SPDYE4: variants seen among roughly 807,000 people sequenced by gnomAD.
SPDYE4 encodes speedy/RINGO cell cycle regulator family member E4, also known as speedy protein E4.
Under a neutral mutation model 37.5 loss-of-function variants are expected in SPDYE4, and 30 were observed. That is an observed-to-expected ratio of 0.80 (90% confidence interval 0.60 to 1.09). The LOEUF (loss-of-function observed/expected upper bound fraction) is 1.09. Ranked by LOEUF, SPDYE4 falls within the 50% of genes least tolerant of loss-of-function variation. The pLI is 0.00. For synonymous variants in SPDYE4, 131 were observed against 120.3 expected, an observed-to-expected ratio of 1.09 and a Z score of -0.58; for missense variants, 300 against 307.9, an observed-to-expected ratio of 0.97 and a Z score of 0.19.
At chr17:8,755,297 C>T (rs950346777) in intron 4 of SPDYE4, 17 of 520,686 alleles carry the variant, frequency 3.3e-5, no homozygotes, top group South Asian at 6.3e-5. Flanking sequence ...CCCCTTAGGA[C>T]GGGTTTATGT....
chr17:8,753,610 CAG>C, intron 4 of SPDYE4, 121 bp from the exon 5 acceptor site: 1 of 1,207,822 alleles, frequency 8.3e-7, no homozygotes, highest in Non-Finnish European at 1.1e-6. Context: ...AGCCGCCCTG[CAG>C]AGAGCCCTGC....
chr17:8,755,358 A>T, intron 4 of SPDYE4, 162 bp downstream of exon 4: 1 of 914,426 alleles, frequency 1.1e-6, no homozygotes, highest in Non-Finnish European at 1.6e-6. Flanking sequence ...GTTTGTTTTT[A>T]GAAAGAACAG....
chr17:8,747,593 G>T (rs1424777436), downstream of SPDYE4, among the ~76,000 whole-genome samples: 1 of 152,226 alleles, frequency 6.6e-6, no homozygotes, highest in African/African-American at 2.4e-5. Context: ...AATTCATTAT[G>T]TAGCAGGATA....
downstream of SPDYE4, among the ~76,000 whole-genome samples, chr17:8,750,363 T>C (rs1304586592): frequency 6.6e-6 from 1 of 151,816 alleles, no homozygotes; most frequent in Non-Finnish European, 1.5e-5. Context: ...CATTTCAGCC[T>C]GGGGAATGGG....
At chr17:8,757,701 T>C (rs1314591986) in intron 1 of SPDYE4, among the ~76,000 whole-genome samples, 1 of 151,996 alleles carries the variant, frequency 6.6e-6, no homozygotes, top group Non-Finnish European at 1.5e-5. Context: ...CCTCAAAACA[T>C]TTCCTCATCA....
At chr17:8,758,233 A>G in intron 1 of SPDYE4, 41 bp downstream of exon 1, 1 of 1,452,720 alleles carries the variant, frequency 6.9e-7, no homozygotes, top group Non-Finnish European at 9.3e-7. Flanking sequence ...CCCTCTCCTC[A>G]GTCAATCATC....
At chr17:8,754,797 C>G in intron 4 of SPDYE4, among the ~76,000 whole-genome samples, 1 of 152,146 alleles carries the variant, frequency 6.6e-6, no homozygotes, top group East Asian at 1.9e-4. Context: ...GGGTCATTCC[C>G]TTCAGATCCA....
At chr17:8,756,063 A>T (rs1475796680) in intron 3 of SPDYE4, among the ~76,000 whole-genome samples, 2 of 151,930 alleles carry the variant, frequency 1.3e-5, no homozygotes, top group Non-Finnish European at 2.9e-5. Context: ...TTATGAGAAG[A>T]CCTAGAATAG....
At position 8,753,433 on chromosome 17, in the gene SPDYE4, GAGA is replaced by G; in HGVS notation, c.539_541del (p.Phe180del). The stretch of plus-strand genomic sequence containing the variant: ...GGAGTAGTTCTTCCCGTAGAGGAAG[GAGA>G]AGATGTCTTGTTTCGGGGCCTGGTT... On this transcript the variant is annotated inframe_deletion, in exon 5 of 7. Coordinates refer to ENST00000689094, the MANE Select transcript of SPDYE4 (RefSeq NM_001394956.1). The G allele has an allele frequency of 1.9e-6, 3 of 1,611,436 alleles. No individual in the cohort carries two copies. The highest frequency in any genetic ancestry group is 1.1e-5 in the South Asian group (1 of 90,684).
Position 8,751,491 on chromosome 17 carries a change from C to T in SPDYE4, c.*791G>A, listed in dbSNP as rs1174389261. Among the ~76,000 whole-genome samples, 2 of 152,058 alleles carry T rather than the reference C, an allele frequency of 1.3e-5. No homozygotes were observed. The highest frequency in any genetic ancestry group is 6.6e-5 in the Admixed American group (1 of 15,256). ...AACAGAAAATAAACATTTCTATTTG[C>T]AAGAATGTAGGGGAACTACCACCTA... On this transcript the variant is annotated 3_prime_UTR_variant, in exon 7 of 7. Transcript: ENST00000689094.
Position 8,756,381 on chromosome 17 carries a change from G to A in SPDYE4, c.396C>T (p.Asp132=), listed in dbSNP as rs1486626445. The change falls in exon 3 of 7, where the codon GAC becomes GAT. Residue 132 remains aspartate, a synonymous_variant. Transcript: ENST00000689094. ...GTTGAGTGGAGAACAACCTTACCTT[G>A]TCTGACACCCTCAGGTCTTTGTCCC... ...LAWDKDLRVS[D]KYLLAMVIAY... is the part of the protein sequence containing the mutation. 5 of 1,613,754 alleles carry A rather than the reference G, an allele frequency of 3.1e-6. No homozygotes were observed. The highest frequency in any genetic ancestry group is 4.2e-6 in the Non-Finnish European group (5 of 1,179,864).
At chr17:8,752,294 G>C (rs2086733815) in intron 6 of SPDYE4, among the ~76,000 whole-genome samples, 57 bp from the exon 7 acceptor site, 1 of 152,174 alleles carries the variant, frequency 6.6e-6, no homozygotes, top group Non-Finnish European at 1.5e-5. Context: ...AGATAGGAAG[G>C]TTATTCCCAT....
At position 8,751,073 on chromosome 17, in the gene SPDYE4, G is replaced by A. The variant is rs773775145; in HGVS notation, c.*1209C>T. Among the ~76,000 whole-genome samples the A allele has an allele frequency of 2.0e-5, 3 of 152,166 alleles. No individual in the cohort carries two copies. Among genetic ancestry groups the A allele is most frequent in the South Asian group, 2.1e-4 (1 of 4,816 alleles). ...AAAAATTTATTTTTACAAGAATTTC[G>A]GGGAAATGCCACCTAGCTATAAATA... On this transcript the variant is annotated 3_prime_UTR_variant, in exon 7 of 7. Coordinates refer to ENST00000689094, the MANE Select transcript of SPDYE4 (RefSeq NM_001394956.1).
Position 8,757,437 on chromosome 17 carries a change from G to T in SPDYE4, c.165C>A (p.Ser55Arg), listed in dbSNP as rs377738405. The T allele has an allele frequency of 5.0e-6, 8 of 1,599,746 alleles. No homozygotes were observed. Among genetic ancestry groups the T allele is most frequent in the Non-Finnish European group, 6.8e-6 (8 of 1,172,880 alleles). Residue 55 changes from serine to arginine, a missense_variant, in exon 2 of 7, where the codon AGC becomes AGA. Physicochemically the swap from Ser to Arg is moderately radical, Grantham distance 110 (BLOSUM62 -1). Transcript: ENST00000689094. ...CCTCCTCGGATTCGTCTGACCATTC[G>T]CTCTTCCTTTTCAGGCCAAGGGATT... ...QPQSLGLKRK[S>R]EWSDESEEEL...
downstream of SPDYE4, among the ~76,000 whole-genome samples, chr17:8,747,897 A>T (rs2086701317): frequency 6.6e-6 from 1 of 152,236 alleles, no homozygotes. Flanking sequence ...AATTGGACTT[A>T]CAGTTCCACA....
At chr17:8,749,460 G>A (rs1384767648), downstream of SPDYE4, among the ~76,000 whole-genome samples, 1 of 152,068 alleles carries the variant, frequency 6.6e-6, no homozygotes, top group East Asian at 1.9e-4. Context: ...TAGAGACAGG[G>A]TTTCACCATG....
chr17:8,754,116 C>T (rs58409423), intron 4 of SPDYE4, among the ~76,000 whole-genome samples: 4,975 of 152,206 alleles, frequency 0.033, 247 homozygotes, highest in African/African-American at 0.11. Flanking sequence ...CTTCCTATTC[C>T]CTGGCACATA....
At chr17:8,749,980 C>G (rs12951168), downstream of SPDYE4, among the ~76,000 whole-genome samples, 37,193 of 152,016 alleles carry the variant, frequency 0.24, 5,047 homozygotes, top group South Asian at 0.33. Flanking sequence ...ACTTTGCAAC[C>G]TCCTACTCCT....
At position 8,758,174 on chromosome 17, in the gene SPDYE4, C is replaced by A. The variant is rs1336631203; in HGVS notation, c.109+100G>T. The A allele has an allele frequency of 6.7e-6, 7 of 1,045,338 alleles. No homozygotes were observed. In the South Asian group the frequency reaches 1.2e-4, roughly 17 times the overall value. 64.8% of individuals were successfully genotyped at this position (1,045,338 alleles called of 1,614,324 possible). On this transcript the variant is annotated intron_variant, in intron 1 of 6. Transcript: ENST00000689094. ...GGCTTCCTGAGTCCGTCGTTTCTTT[C>A]CCACACACCCTACTCAGGTGCTTCA...
Sources: gnomAD v4.1 joint callset for allele counts (sites outside exome capture counted in the v4.1 genomes callset) on GRCh38, gnomAD v4.1.1 for gene constraint, MANE v1.5 for transcripts, NCBI Gene and HGNC (gene_info 2026-07-23, HGNC 2026-07-21) for gene names.